Variants in PRKCA observed in about 807,000 individuals in gnomAD.
PRKCA encodes the protein protein kinase C alpha.
In PRKCA, 27 loss-of-function variants were observed where a neutral mutation model predicts 87.0. That is an observed-to-expected ratio of 0.31 (90% CI 0.23 to 0.43). PRKCA has a LOEUF of 0.43. PRKCA is among the 20% of genes least tolerant of loss of function. The pLI is 1.00. For missense variants in PRKCA, 518 were observed against 852.3 expected (o/e 0.61, Z 4.88); for synonymous variants, 329 against 311.1 (o/e 1.06, Z -0.61).
intron 2 of PRKCA, among the ~76,000 whole-genome samples, chr17:66,462,090 T>C (rs1314962302): frequency 6.6e-6 from 1 of 152,174 alleles, no homozygotes; most frequent in Non-Finnish European, 1.5e-5. Flanking sequence ...TGTGATATAT[T>C]CTTTTAAACG....
At chr17:66,627,425 T>G (rs1221381727) in intron 3 of PRKCA, among the ~76,000 whole-genome samples, 1 of 152,180 alleles carries the variant, frequency 6.6e-6, no homozygotes, top group African/African-American at 2.4e-5. Context: ...TGTTGCCTTC[T>G]GTTGTTTAAA....
intron 3 of PRKCA, among the ~76,000 whole-genome samples, chr17:66,582,733 G>C (rs1381565384): frequency 2.6e-5 from 4 of 152,116 alleles, no homozygotes; most frequent in Admixed American, 2.6e-4. Flanking sequence ...CATTCCCCTA[G>C]TGGCCACCAG....
At chr17:66,329,183 G>C (rs1307395360) in intron 2 of PRKCA, among the ~76,000 whole-genome samples, 1 of 152,212 alleles carries the variant, frequency 6.6e-6, no homozygotes, top group Non-Finnish European at 1.5e-5. Flanking sequence ...TTTTTAGGAG[G>C]AGAGATCAGC....
At chr17:66,529,266 C>G (rs1250907800) in intron 3 of PRKCA, among the ~76,000 whole-genome samples, 1 of 152,166 alleles carries the variant, frequency 6.6e-6, no homozygotes, top group Admixed American at 6.5e-5. Flanking sequence ...TTCTCTCCAT[C>G]CCTATTTTGT....
At position 66,809,609 on chromosome 17, in the gene PRKCA, C is replaced by G. The variant is rs1976119832; in HGVS notation, c.*5572C>G. On this transcript the variant is annotated 3_prime_UTR_variant, in exon 17 of 17. Transcript: ENST00000413366. ...TCAGCTGGAGCACCCCCGACCTGAT[C>G]TCCCACTGCCAGATTTTCCCATGCT... is the stretch of plus-strand genomic sequence containing the variant. The G allele has an allele frequency of 6.6e-6, 1 of 152,154 alleles. No individual in the cohort carries two copies. Among genetic ancestry groups the G allele is most frequent in the Non-Finnish European group, 1.5e-5 (1 of 68,032 alleles). 9.4% of individuals were successfully genotyped at this position (152,154 alleles called of 1,614,324 possible).
Position 66,725,279 on chromosome 17 carries a change from C to A in PRKCA, c.919-7409C>A, listed in dbSNP as rs9912005. Among the ~76,000 whole-genome samples the A allele has an allele frequency of 7.1e-3, 1,087 of 152,302 alleles. 13 individuals carry two copies. Among genetic ancestry groups the A allele is most frequent in the African/African-American group, 0.025 (1,041 of 41,562 alleles). ...CTGCACCAGCTCACCTGACTATCAG[C>A]TGCCTTTTTATGTTAGTTTGTCATC... On this transcript the variant is annotated intron_variant, in intron 8 of 16. Transcript: ENST00000413366.
intron 3 of PRKCA, among the ~76,000 whole-genome samples, chr17:66,496,627 T>TCCCTC (rs1278629269): frequency 2.0e-5 from 3 of 151,764 alleles, no homozygotes; most frequent in African/African-American, 4.8e-5. Context: ...TTATTTCCGT[T>TCCCTC]CCCTCCCCTC....
At chr17:66,381,736 C>T (rs1909784724) in intron 2 of PRKCA, among the ~76,000 whole-genome samples, 1 of 152,112 alleles carries the variant, frequency 6.6e-6, no homozygotes, top group Non-Finnish European at 1.5e-5. Context: ...ATTTTACTGC[C>T]CTGCTTGCTG....
chr17:66,572,705 C>G (rs1028822726), intron 3 of PRKCA, among the ~76,000 whole-genome samples: 1 of 152,142 alleles, frequency 6.6e-6, no homozygotes, highest in Admixed American at 6.5e-5. Context: ...CCACATTACC[C>G]AGGCTGGTCT....
intron 8 of PRKCA, among the ~76,000 whole-genome samples, chr17:66,719,374 G>A (rs1326303511): frequency 6.6e-6 from 1 of 152,172 alleles, no homozygotes; most frequent in East Asian, 1.9e-4. Flanking sequence ...ATCATGAAAA[G>A]AAAGGATTAG....
At chr17:66,312,262 G>C (rs1376343346) in intron 2 of PRKCA, among the ~76,000 whole-genome samples, 1 of 152,180 alleles carries the variant, frequency 6.6e-6, no homozygotes, top group Admixed American at 6.5e-5. Context: ...GATTACAGGC[G>C]TGGGCCACTG....
intron 8 of PRKCA, among the ~76,000 whole-genome samples, chr17:66,726,993 G>C (rs1973768280): frequency 6.6e-6 from 1 of 152,216 alleles, no homozygotes; most frequent in Admixed American, 6.5e-5. Context: ...CAAAGTGCTG[G>C]GATTACAGGC....
chr17:66,347,871 A>G (rs1369373710), intron 2 of PRKCA, among the ~76,000 whole-genome samples: 1 of 150,726 alleles, frequency 6.6e-6, no homozygotes, highest in East Asian at 2.0e-4. Context: ...TGCTCAGCTC[A>G]AGACAGCCCT....
chr17:66,742,506 T>C (rs1315673382), intron 12 of PRKCA, 116 bp from the exon 13 acceptor site: 5 of 1,064,072 alleles, frequency 4.7e-6, no homozygotes, highest in South Asian at 1.5e-5. Flanking sequence ...CAGGGACTTA[T>C]AGTTAATATT....
At chr17:66,396,628 TCTC>T (rs1567807592) in intron 2 of PRKCA, among the ~76,000 whole-genome samples, 1 of 79,956 alleles carries the variant, frequency 1.3e-5, no homozygotes, top group Non-Finnish European at 2.7e-5. Flanking sequence ...ATTCATTCTC[TCTC>T]TTTTTTTTTT....
chr17:66,545,414 G>A (rs1204394357), intron 3 of PRKCA, among the ~76,000 whole-genome samples: 1 of 152,190 alleles, frequency 6.6e-6, no homozygotes, highest in Admixed American at 6.5e-5. Flanking sequence ...GGGCGACAGA[G>A]CGAGACTCTG....
chr17:66,506,974 A>G (rs1208306465), intron 3 of PRKCA, among the ~76,000 whole-genome samples: 1 of 152,220 alleles, frequency 6.6e-6, no homozygotes, highest in Non-Finnish European at 1.5e-5. Context: ...GGAAGCCCAG[A>G]GTTGGAAGAT....
intron 5 of PRKCA, among the ~76,000 whole-genome samples, chr17:66,664,077 G>A (rs538790106): frequency 4.8e-4 from 73 of 151,810 alleles, no homozygotes; most frequent in Non-Finnish European, 9.0e-4. Flanking sequence ...CATGTTGGCC[G>A]GGCAGGTCTC....
chr17:66,328,643 C>T (rs12938072), intron 2 of PRKCA, among the ~76,000 whole-genome samples: 57,405 of 151,624 alleles, frequency 0.38, 10,932 homozygotes, highest in Middle Eastern at 0.54. Flanking sequence ...ACTAAAAATA[C>T]GAAAATTAGC....
Sources: gnomAD v4.1 joint callset for allele counts (sites outside exome capture counted in the v4.1 genomes callset) on GRCh38, gnomAD v4.1.1 for gene constraint, MANE v1.5 for transcripts, NCBI Gene and HGNC (gene_info 2026-07-23, HGNC 2026-07-21) for gene names.